SDK2: variants seen among roughly 807,000 people sequenced by gnomAD.
SDK2 encodes the protein sidekick cell adhesion molecule 2, also known as protein sidekick-2.
A neutral mutation model predicts 253.9 loss-of-function variants in SDK2; 105 were observed. The observed-to-expected ratio is 0.41, with a 90% confidence interval of 0.35 to 0.49. The LOEUF is 0.49. Among genes scored for constraint, SDK2 ranks in the 20% least tolerant of loss-of-function variants. SDK2 has a pLI of 0.06. For synonymous variants in SDK2, 1,249 were observed against 1,234.9 expected (o/e 1.01, Z -0.24); for missense variants, 2,608 against 3,003.0 (o/e 0.87, Z 3.07).
At chr17:73,631,150 G>A (rs117658907) in intron 1 of SDK2, among the ~76,000 whole-genome samples, 26 of 152,188 alleles carry the variant, frequency 1.7e-4, no homozygotes, top group East Asian at 1.4e-3. Flanking sequence ...TTACTGTCCC[G>A]ACGACTACCA....
chr17:73,569,977 G>A (rs1007394739), intron 1 of SDK2, among the ~76,000 whole-genome samples: 3 of 152,142 alleles, frequency 2.0e-5, no homozygotes, highest in African/African-American at 7.2e-5. Flanking sequence ...ACGGGAGGCT[G>A]CAGCCATGGA....
rs559736281 is a variant in SDK2 at position 73,355,299 on chromosome 17, T to C, written c.5594-2662A>G. ...AAGAGATTCTCCTCCTACCTCAGCC[T>C]CTTGAGTAGCTGGGATTATAGGCAC... On this transcript the variant is annotated intron_variant, in intron 40 of 44. Transcript: ENST00000392650. Among the ~76,000 whole-genome samples the C allele has an allele frequency of 6.1e-5, 9 of 148,076 alleles. No homozygotes were observed. The East Asian group carries it at 1.8e-3, about 30-fold the overall frequency.
intron 41 of SDK2, among the ~76,000 whole-genome samples, chr17:73,351,936 T>C (rs1247360122): frequency 1.3e-5 from 2 of 151,936 alleles, no homozygotes; most frequent in African/African-American, 4.8e-5. Context: ...TGGTTAGTGA[T>C]AACATTTTGG....
rs965746599 is a variant in SDK2 at position 73,383,028 on chromosome 17, A to T, written c.4705+848T>A. Among the ~76,000 whole-genome samples, 1 of 152,088 alleles carries T rather than the reference A, an allele frequency of 6.6e-6. No homozygotes were observed. The highest frequency in any genetic ancestry group is 1.5e-5 in the Non-Finnish European group (1 of 68,006). ...TGGGCAACAGAGCGAGACTCTGTCT[A>T]AAAAAACCCAAAAAACAAAAAAACC... is the stretch of plus-strand genomic sequence containing the variant. On this transcript the variant is annotated intron_variant, in intron 33 of 44. Coordinates refer to ENST00000392650, the MANE Select transcript of SDK2 (RefSeq NM_001144952.2). This position sits in a 1 kb window ranked among gnomAD's most constrained non-coding sequence, Gnocchi z 4.3.
chr17:73,590,155 T>C (rs1315751822), intron 1 of SDK2, among the ~76,000 whole-genome samples: 1 of 152,062 alleles, frequency 6.6e-6, no homozygotes, highest in African/African-American at 2.4e-5. Flanking sequence ...GGGGAGGCAA[T>C]TGACGAAAGA....
chr17:73,426,660 T>G (rs1599555871), intron 12 of SDK2, among the ~76,000 whole-genome samples: 1 of 152,198 alleles, frequency 6.6e-6, no homozygotes, highest in Non-Finnish European at 1.5e-5. Flanking sequence ...TTTTAATACC[T>G]ATTTACAAAT....
chr17:73,616,730 C>G lies in SDK2; in HGVS notation c.64+27295G>C, dbSNP rs1402969485. Among the ~76,000 whole-genome samples, 1 of 152,152 alleles carries G rather than the reference C, an allele frequency of 6.6e-6. No individual in the cohort carries two copies. Among genetic ancestry groups the G allele is most frequent in the Non-Finnish European group, 1.5e-5 (1 of 68,040 alleles). ...AAGCCACTTTCCTCCTGGGCCCAGCCCTTAGAGAGGTGCCTGAGAGGTGAG... is the reference window on the plus strand; with the variant it reads ...AAGCCACTTTCCTCCTGGGCCCAGCGCTTAGAGAGGTGCCTGAGAGGTGAG... On this transcript the variant is annotated intron_variant, in intron 1 of 44. Coordinates refer to ENST00000392650, the MANE Select transcript of SDK2 (RefSeq NM_001144952.2). This position sits in a 1 kb window ranked among gnomAD's most constrained non-coding sequence, Gnocchi z 5.2.
intron 32 of SDK2, among the ~76,000 whole-genome samples, chr17:73,385,025 G>T (rs1169400325): frequency 6.6e-6 from 1 of 152,156 alleles, no homozygotes; most frequent in African/African-American, 2.4e-5. Flanking sequence ...GTCTCAGGCT[G>T]GGGGGACCCT....
chr17:73,504,944 A>G (rs565074556), intron 2 of SDK2, among the ~76,000 whole-genome samples: 20 of 152,242 alleles, frequency 1.3e-4, no homozygotes, highest in African/African-American at 4.6e-4. Flanking sequence ...TTTTTAATTG[A>G]AGGAAAATCC....
chr17:73,454,799 G>A (rs1380133508), intron 4 of SDK2, among the ~76,000 whole-genome samples: 1 of 152,190 alleles, frequency 6.6e-6, no homozygotes, highest in Non-Finnish European at 1.5e-5. Flanking sequence ...TGACTCCCAG[G>A]TTCAAGCGAT....
At chr17:73,353,832 T>C (rs116974695) in intron 40 of SDK2, among the ~76,000 whole-genome samples, 3 of 150,790 alleles carry the variant, frequency 2.0e-5, no homozygotes, top group African/African-American at 7.3e-5. Context: ...GCCTCCCGGA[T>C]AGCTGGGATT....
intron 1 of SDK2, among the ~76,000 whole-genome samples, chr17:73,575,819 G>C (rs2045451060): frequency 6.6e-6 from 1 of 152,226 alleles, no homozygotes; most frequent in African/African-American, 2.4e-5. Flanking sequence ...GGCTAGGAGA[G>C]GAAGACGAAC....
At chr17:73,400,663 T>C (rs1222595293) in intron 21 of SDK2, among the ~76,000 whole-genome samples, 1 of 150,862 alleles carries the variant, frequency 6.6e-6, no homozygotes, top group Non-Finnish European at 1.5e-5. Context: ...TCTTTTTATT[T>C]TTTTTTTTGA....
intron 1 of SDK2, among the ~76,000 whole-genome samples, chr17:73,583,258 C>A (rs1285323910): frequency 1.3e-5 from 2 of 152,200 alleles, no homozygotes; most frequent in East Asian, 3.9e-4. Flanking sequence ...GTTTCTTGCC[C>A]ACTGCTATCT....
chr17:73,551,366 C>T (rs9890368), intron 1 of SDK2, among the ~76,000 whole-genome samples: 28,060 of 152,094 alleles, frequency 0.18, 3,750 homozygotes, highest in African/African-American at 0.37. Context: ...AGAACAGAAA[C>T]GCGGCCTGGG....
rs921495511 is a variant in SDK2, at chr17:73,406,234, G to T, written c.2485-4093C>A. 3.0e-4 allele frequency among the ~76,000 whole-genome samples: 44 copies of T among 144,610 alleles called. No homozygotes were observed. The Admixed American group carries it at 3.2e-3, about 11-fold the overall frequency. The allele number at this position is 144,610 out of a possible 152,430, so 94.9% of individuals were successfully genotyped here. On this transcript the variant is annotated intron_variant, in intron 18 of 44. Coordinates refer to ENST00000392650, the MANE Select transcript of SDK2 (RefSeq NM_001144952.2). Reference sequence around the variant, plus strand: ...GATGTGGAATCCATGGCTAAGAAGGGCCTACTACACTCTTTTTTTTTTTTT... The same window carrying T: ...GATGTGGAATCCATGGCTAAGAAGGTCCTACTACACTCTTTTTTTTTTTTT...
chr17:73,419,118 T>G, intron 16 of SDK2, 48 bp downstream of exon 16: 1 of 1,594,990 alleles, frequency 6.3e-7, no homozygotes, highest in South Asian at 1.1e-5. Flanking sequence ...TCTTCCCCCA[T>G]GCCTTTCCCC....
At chr17:73,579,992 A>G (rs201002592) in intron 1 of SDK2, among the ~76,000 whole-genome samples, 2 of 54,074 alleles carry the variant, frequency 3.7e-5, no homozygotes, top group Non-Finnish European at 7.3e-5. Flanking sequence ...AAGAAAAAAG[A>G]AAAAAAAAAA....
In SDK2 at chr17:73,496,755, C is replaced by T. The variant is rs117154440; in HGVS notation, c.224+10683G>A. ...CCCTTCCAGTCTCCAATTCTTGATT[C>T]CTACTTGCCTGTGAGGATTCCCCCT... On this transcript the variant is annotated intron_variant, in intron 2 of 44. Coordinates refer to ENST00000392650, the MANE Select transcript of SDK2 (RefSeq NM_001144952.2). This position sits in a 1 kb window ranked among gnomAD's most constrained non-coding sequence, Gnocchi z 4.7. Among the ~76,000 whole-genome samples the T allele has an allele frequency of 6.3e-4, 96 of 152,290 alleles. No individual in the cohort carries two copies. In the East Asian group the frequency reaches 0.014, roughly 22 times the overall value.
Sources: allele counts gnomAD v4.1 joint callset (sites outside exome capture counted in the v4.1 genomes callset), GRCh38; gene constraint gnomAD v4.1.1; non-coding constraint Gnocchi (gnomAD v3.1); transcripts MANE v1.5; gene names NCBI Gene and HGNC (gene_info 2026-07-23, HGNC 2026-07-21).